Variants in WNT7B observed in about 807,000 individuals in gnomAD.
WNT7B encodes Wnt family member 7B.
WNT7B carries 19 observed loss-of-function variants against 38.2 expected under a neutral mutation model. That is an observed-to-expected ratio of 0.50 (90% CI 0.35 to 0.73). The LOEUF (loss-of-function observed/expected upper bound fraction) is 0.73, where lower values mean the gene tolerates loss of function less well. Ranked by LOEUF, WNT7B falls within the 30% of genes least tolerant of loss-of-function variation. WNT7B has a pLI of 0.01. For missense variants in WNT7B, 423 were observed against 507.9 expected (o/e 0.83, Z 1.61); for synonymous variants, 243 against 209.3 (o/e 1.16, Z -1.39).
chr22:45,976,898 C>T lies in WNT7B; in HGVS notation c.-144G>A, dbSNP rs1013629778. On this transcript the variant is annotated 5_prime_UTR_variant, in exon 1 of 4. It adds an upstream start codon to the 5' untranslated region. Coordinates refer to ENST00000339464, the MANE Select transcript of WNT7B (RefSeq NM_058238.3). This position sits in a 1 kb window ranked among gnomAD's most constrained non-coding sequence, Gnocchi z 8.5. ...TCGGGCGGCCGGCGACGCGCGGGCACTCGGCGCGCGCTGCCACCATGGTGA... is the reference window on the plus strand; with the variant it reads ...TCGGGCGGCCGGCGACGCGCGGGCATTCGGCGCGCGCTGCCACCATGGTGA... The T allele has an allele frequency of 4.6e-5, 46 of 997,298 alleles. No homozygotes were observed. Among genetic ancestry groups the T allele is most frequent in the Non-Finnish European group, 4.8e-5 (40 of 837,300 alleles). 61.8% of individuals were successfully genotyped at this position (997,298 alleles called of 1,614,324 possible). A position where few individuals can be genotyped will look rare whatever the true frequency, so the allele number is the denominator to read the frequency against.
intron 2 of WNT7B, among the ~76,000 whole-genome samples, chr22:45,932,525 G>A (rs951001662): frequency 6.6e-6 from 1 of 152,084 alleles, no homozygotes; most frequent in African/African-American, 2.4e-5. Flanking sequence ...ACTTCCATAT[G>A]GGTCCGAAGA....
Position 45,976,828 on chromosome 22 carries a change from G to A in WNT7B, c.-74C>T, listed in dbSNP as rs1039950977. The stretch of plus-strand genomic sequence containing the variant: ...GCGCGGGCCCGGCAGGGCCGGGCAG[G>A]GGCCAGGGGGCTGCGGGCAGACTGC... On this transcript the variant is annotated 5_prime_UTR_variant, in exon 1 of 4. Transcript: ENST00000339464. This position sits in a 1 kb window ranked among gnomAD's most constrained non-coding sequence, Gnocchi z 8.5. 2 of 1,382,296 alleles carry A rather than the reference G, an allele frequency of 1.4e-6. No individual in the cohort carries two copies. Among genetic ancestry groups the A allele is most frequent in the African/African-American group, 3.0e-5 (2 of 65,774 alleles). 85.6% of individuals were successfully genotyped at this position (1,382,296 alleles called of 1,614,324 possible).
At chr22:45,950,561 G>C (rs1004668099) in intron 1 of WNT7B, among the ~76,000 whole-genome samples, 1 of 152,206 alleles carries the variant, frequency 6.6e-6, no homozygotes, top group Admixed American at 6.5e-5. Flanking sequence ...CCGACCAATG[G>C]GGCTTTCCCC....
intron 2 of WNT7B, among the ~76,000 whole-genome samples, chr22:45,932,800 T>C (rs1931407329): frequency 6.6e-6 from 1 of 152,212 alleles, no homozygotes; most frequent in Non-Finnish European, 1.5e-5. Flanking sequence ...ACAGGGACAG[T>C]GCTCAGCCCA....
chr22:45,972,121 C>G, intron 1 of WNT7B: 2 of 396,318 alleles, frequency 5.0e-6, no homozygotes, highest in Non-Finnish European at 9.1e-6. Context: ...GGGGAGCCCA[C>G]CCGCCCACCC....
rs202044431 is a variant in WNT7B at position 45,931,071 on chromosome 22, C to T, written c.570+27G>A. The T allele has an allele frequency of 1.7e-5, 27 of 1,542,928 alleles. No homozygotes were observed. In the East Asian group the frequency reaches 5.9e-4, roughly 34 times the overall value. ...GGTGATACAGCGGTCCCAGCTACGG[C>T]CCCCACCAGCCGCACCCGCACCCTA... On this transcript the variant is annotated intron_variant, in intron 3 of 3. Transcript: ENST00000339464.
At chr22:45,923,404 C>G in intron 3 of WNT7B, 69 bp from the exon 4 acceptor site, 1 of 1,526,246 alleles carries the variant, frequency 6.6e-7, no homozygotes, top group Non-Finnish European at 8.8e-7. Flanking sequence ...TCCCCTACCC[C>G]TGCCTCTAGC....
intron 2 of WNT7B, among the ~76,000 whole-genome samples, chr22:45,943,656 G>T (rs1039442037): frequency 6.6e-6 from 1 of 152,082 alleles, no homozygotes; most frequent in South Asian, 2.1e-4. Flanking sequence ...AGAGCCTGCG[G>T]GCTTCTCTGG....
At chr22:45,936,022 C>G (rs1931506157) in intron 2 of WNT7B, 1 of 985,396 alleles carries the variant, frequency 1.0e-6, no homozygotes, top group Non-Finnish European at 1.2e-6. Context: ...CTAGAGCCAG[C>G]AGCAGCATCC....
chr22:45,962,700 A>C (rs1353480283), intron 1 of WNT7B, among the ~76,000 whole-genome samples: 1 of 152,234 alleles, frequency 6.6e-6, no homozygotes, highest in Non-Finnish European at 1.5e-5. Flanking sequence ...AAACACCCAG[A>C]GATGCCACAG....
intron 2 of WNT7B, among the ~76,000 whole-genome samples, chr22:45,946,912 G>A (rs1346760342): frequency 6.6e-6 from 1 of 152,222 alleles, no homozygotes; most frequent in African/African-American, 2.4e-5. Context: ...CGCCTGAAAG[G>A]GGCTGTCCCA....
chr22:45,934,981 G>A (rs1931477018), intron 2 of WNT7B, among the ~76,000 whole-genome samples: 1 of 152,216 alleles, frequency 6.6e-6, no homozygotes, highest in Admixed American at 6.5e-5. Flanking sequence ...TCTCACAACA[G>A]CCCACGGGGG....
chr22:45,929,930 A>AT (rs1931276482), intron 3 of WNT7B, among the ~76,000 whole-genome samples: 8 of 142,286 alleles, frequency 5.6e-5, no homozygotes, highest in African/African-American at 1.8e-4. Flanking sequence ...CCTCCCATCC[A>AT]CCCACTCATC....
chr22:45,926,526 A>G (rs1931088916), intron 3 of WNT7B: 2 of 985,254 alleles, frequency 2.0e-6, no homozygotes, highest in African/African-American at 1.7e-5. Context: ...TTGGTGGACT[A>G]AAGTCCTTCC....
chr22:45,926,254 A>G (rs2146704887), intron 3 of WNT7B: 1 of 985,316 alleles, frequency 1.0e-6, no homozygotes, highest in Non-Finnish European at 1.2e-6. Flanking sequence ...TGGTGCCAGC[A>G]CTGAGACCGG....
chr22:45,967,159 C>T (rs549958521), intron 1 of WNT7B, among the ~76,000 whole-genome samples: 13 of 152,334 alleles, frequency 8.5e-5, no homozygotes, highest in South Asian at 4.1e-4. Flanking sequence ...CAGCCCTGCG[C>T]CAGGGACGGA....
intron 3 of WNT7B, among the ~76,000 whole-genome samples, chr22:45,930,543 C>A (rs1931309859): frequency 1.3e-5 from 2 of 152,210 alleles, no homozygotes; most frequent in Non-Finnish European, 2.9e-5. Context: ...CCGGTGTGTC[C>A]CTGCCTGAAT....
At chr22:45,928,131 C>A (rs1931151569) in intron 3 of WNT7B, among the ~76,000 whole-genome samples, 1 of 152,178 alleles carries the variant, frequency 6.6e-6, no homozygotes, top group South Asian at 2.1e-4. Context: ...TGCTCTAAGG[C>A]CCCACCCGCG....
In WNT7B at chr22:45,966,977, C is replaced by A. The variant is rs974213123; in HGVS notation, c.71+9707G>T. 2.0e-5 allele frequency among the ~76,000 whole-genome samples: 3 copies of A among 152,198 alleles called. No homozygotes were observed. Among genetic ancestry groups the A allele is most frequent in the African/African-American group, 7.2e-5 (3 of 41,450 alleles). On this transcript the variant is annotated intron_variant, in intron 1 of 3. Coordinates refer to ENST00000339464, the MANE Select transcript of WNT7B (RefSeq NM_058238.3). The surrounding 1 kb of genome is among the most constrained non-coding windows in gnomAD (Gnocchi z 4.2). ...GGAGAACTCACTGCCTCTCTGCCAA[C>A]AGTGGAGCTGACCCAAGCCTCAGGA... is the stretch of plus-strand genomic sequence containing the variant.
Sources: gnomAD v4.1 joint callset for allele counts (sites outside exome capture counted in the v4.1 genomes callset) on GRCh38, gnomAD v4.1.1 for gene constraint, Gnocchi (gnomAD v3.1) non-coding constraint, MANE v1.5 for transcripts, NCBI Gene and HGNC (gene_info 2026-07-23, HGNC 2026-07-21) for gene names.